Variants in KCNIP4 observed in about 807,000 individuals in gnomAD.
KCNIP4 encodes the protein potassium voltage-gated channel interacting protein 4.
A neutral mutation model predicts 34.0 loss-of-function variants in KCNIP4; 12 were observed. The ratio of observed to expected loss-of-function variants is 0.35; its 90% CI spans 0.23 to 0.57. The LOEUF is 0.57. Ranked by LOEUF, KCNIP4 falls within the 20% of genes least tolerant of loss-of-function variation. The pLI, the probability that KCNIP4 is intolerant of heterozygous loss-of-function variation, is 0.83. For synonymous variants in KCNIP4, 124 were observed against 102.2 expected (o/e 1.21, Z -1.29); for missense variants, 238 against 311.7 (o/e 0.76, Z 1.78).
At chr4:20,953,789 A>C (rs142969326) in intron 1 of KCNIP4, among the ~76,000 whole-genome samples, 2 of 152,316 alleles carry the variant, frequency 1.3e-5, no homozygotes, top group East Asian at 3.9e-4. Flanking sequence ...TCACCTTATC[A>C]ATATTCCCCC....
At chr4:21,569,399 G>A (rs1740188879) in intron 1 of KCNIP4, among the ~76,000 whole-genome samples, 1 of 151,900 alleles carries the variant, frequency 6.6e-6, no homozygotes, top group Non-Finnish European at 1.5e-5. Flanking sequence ...GAGTGCTAGT[G>A]AAAGAATTAT....
At chr4:21,604,416 C>T (rs186373748) in intron 1 of KCNIP4, among the ~76,000 whole-genome samples, 62 of 152,158 alleles carry the variant, frequency 4.1e-4, no homozygotes, top group African/African-American at 1.4e-3. Context: ...TTTTAGGAAC[C>T]AGAATTTTTA....
At position 21,401,152 on chromosome 4, in the gene KCNIP4, G is replaced by C. The variant is rs114457781; in HGVS notation, c.62-518443C>G. ...CTCAGCCAAAAAAGAAATCAATGAG[G>C]TTGACTCTAGAATCCAAGCTTCCTC... On this transcript the variant is annotated intron_variant, in intron 1 of 8. Transcript: ENST00000382152. Among the ~76,000 whole-genome samples, 432 of 152,070 alleles carry C rather than the reference G, an allele frequency of 2.8e-3. 4 individuals are homozygous for C. The highest frequency in any genetic ancestry group is 9.9e-3 in the African/African-American group (412 of 41,492).
At chr4:21,404,494 T>C (rs1476380762) in intron 1 of KCNIP4, among the ~76,000 whole-genome samples, 2 of 152,122 alleles carry the variant, frequency 1.3e-5, no homozygotes, top group African/African-American at 2.4e-5. Context: ...GTAATTTAGA[T>C]TTTGAGTATT....
At chr4:20,808,639 C>A (rs1715368142) in intron 3 of KCNIP4, among the ~76,000 whole-genome samples, 1 of 152,142 alleles carries the variant, frequency 6.6e-6, no homozygotes, top group Non-Finnish European at 1.5e-5. Context: ...GCCCAGAGCC[C>A]AAGTATATCC....
Position 21,559,096 on chromosome 4 carries a change from G to A in KCNIP4, c.61+389475C>T, listed in dbSNP as rs145734192. Reference sequence around the variant, plus strand: ...TGAAAAAGACAATCAAGTTTTCTAAGCCTCAGTTTTTTCAACTGTAAAAGT... The same window carrying A: ...TGAAAAAGACAATCAAGTTTTCTAAACCTCAGTTTTTTCAACTGTAAAAGT... On this transcript the variant is annotated intron_variant, in intron 1 of 8. Coordinates refer to ENST00000382152, the MANE Select transcript of KCNIP4 (RefSeq NM_025221.6). Among the ~76,000 whole-genome samples the A allele has an allele frequency of 1.8e-3, 276 of 152,152 alleles. 1 individual carries two copies. The highest frequency in any genetic ancestry group is 6.5e-3 in the African/African-American group (269 of 41,518).
chr4:21,108,051 A>G (rs1409573226), intron 1 of KCNIP4, among the ~76,000 whole-genome samples: 4 of 150,786 alleles, frequency 2.7e-5, no homozygotes, highest in African/African-American at 9.9e-5. Flanking sequence ...CTTCATTTCA[A>G]CTTCAGTGAA....
chr4:20,960,731 G>A (rs1733767898), intron 1 of KCNIP4, among the ~76,000 whole-genome samples: 1 of 152,162 alleles, frequency 6.6e-6, no homozygotes, highest in Middle Eastern at 3.2e-3. Flanking sequence ...TAGGTGCTAG[G>A]AATCCATTAG....
At chr4:21,270,814 C>G (rs1390507153) in intron 1 of KCNIP4, among the ~76,000 whole-genome samples, 7 of 151,964 alleles carry the variant, frequency 4.6e-5, no homozygotes. Context: ...AGGTGAAAAC[C>G]CGTCTCTACT....
At chr4:21,832,399 A>G (rs1421284887) in intron 1 of KCNIP4, among the ~76,000 whole-genome samples, 1 of 152,074 alleles carries the variant, frequency 6.6e-6, no homozygotes, top group Non-Finnish European at 1.5e-5. Context: ...ATAAGGATGG[A>G]CAGAATGGCA....
intron 1 of KCNIP4, among the ~76,000 whole-genome samples, chr4:21,774,859 G>C (rs950021745): frequency 2.0e-5 from 3 of 152,002 alleles, no homozygotes; most frequent in African/African-American, 7.3e-5. Flanking sequence ...CTTCTATCAA[G>C]GTTCTTAGTT....
At chr4:21,880,532 T>C (rs928820860) in intron 1 of KCNIP4, among the ~76,000 whole-genome samples, 8 of 152,238 alleles carry the variant, frequency 5.3e-5, no homozygotes, top group African/African-American at 1.7e-4. Flanking sequence ...AGGTTGAACA[T>C]ATTTGATCTT....
chr4:20,958,355 C>T (rs781544358), intron 1 of KCNIP4, among the ~76,000 whole-genome samples: 7 of 152,284 alleles, frequency 4.6e-5, no homozygotes, highest in African/African-American at 1.7e-4. Flanking sequence ...TGGATAAATG[C>T]ATGGAAAAGT....
At chr4:21,588,276 T>G (rs10212925) in intron 1 of KCNIP4, among the ~76,000 whole-genome samples, 18,327 of 152,010 alleles carry the variant, frequency 0.12, 1,217 homozygotes, top group African/African-American at 0.16. Flanking sequence ...TATTTAACTT[T>G]GAGAAAACCT....
chr4:21,925,418 AT>A (rs1205299509), intron 1 of KCNIP4, among the ~76,000 whole-genome samples: 1 of 152,062 alleles, frequency 6.6e-6, no homozygotes, highest in African/African-American at 2.4e-5. Flanking sequence ...TGAACTCATC[AT>A]TTTTTATGGC....
At chr4:21,654,094 A>G (rs1026523) in intron 1 of KCNIP4, among the ~76,000 whole-genome samples, 44,420 of 152,150 alleles carry the variant, frequency 0.29, 8,149 homozygotes, top group East Asian at 0.9. Flanking sequence ...AGATAGCTTT[A>G]TAATGAAAAT....
intron 1 of KCNIP4, among the ~76,000 whole-genome samples, chr4:21,623,659 T>G (rs1474178527): frequency 6.6e-6 from 1 of 152,194 alleles, no homozygotes; most frequent in Non-Finnish European, 1.5e-5. Context: ...GCTACAGTTT[T>G]CAGACCACCA....
At chr4:21,054,248 C>G (rs936323360) in intron 1 of KCNIP4, among the ~76,000 whole-genome samples, 1 of 151,998 alleles carries the variant, frequency 6.6e-6, no homozygotes, top group African/African-American at 2.4e-5. Context: ...GCTGGGCATG[C>G]TGGCTCACGT....
chr4:20,874,286 C>T (rs531144324), intron 2 of KCNIP4, among the ~76,000 whole-genome samples: 6 of 152,144 alleles, frequency 3.9e-5, no homozygotes, highest in South Asian at 2.1e-4. Context: ...AGAGTTATCA[C>T]GTTCAACTTT....
Sources: allele counts gnomAD v4.1 joint callset (sites outside exome capture counted in the v4.1 genomes callset), GRCh38; gene constraint gnomAD v4.1.1; transcripts MANE v1.5; gene names NCBI Gene and HGNC (gene_info 2026-07-23, HGNC 2026-07-21).